LRRTM4: variants seen among roughly 807,000 people sequenced by gnomAD.
LRRTM4 encodes leucine rich repeat transmembrane neuronal 4, also known as leucine-rich repeat transmembrane neuronal protein 4.
Under a neutral mutation model 47.6 loss-of-function variants are expected in LRRTM4, and 25 were observed. The ratio of observed to expected loss-of-function variants is 0.53; its 90% CI spans 0.38 to 0.73. The LOEUF (loss-of-function observed/expected upper bound fraction) is 0.73. Among genes scored for constraint, LRRTM4 ranks in the 30% least tolerant of loss-of-function variants. The probability of loss-of-function intolerance (pLI) is 0.00; values close to 1 mark genes in which losing one functional copy is unlikely to be tolerated. For missense variants in LRRTM4, 638 were observed against 713.4 expected, an observed-to-expected ratio of 0.89 and a Z score of 1.20; for synonymous variants, 311 against 269.5, an observed-to-expected ratio of 1.15 and a Z score of -1.51.
At chr2:77,431,043 C>A (rs1213953344) in intron 3 of LRRTM4, among the ~76,000 whole-genome samples, 2 of 148,922 alleles carry the variant, frequency 1.3e-5, no homozygotes, top group African/African-American at 2.6e-5. Context: ...GAGCAGCCCT[C>A]CAGCATCTCA....
intron 3 of LRRTM4, among the ~76,000 whole-genome samples, chr2:77,250,081 C>T (rs1675562161): frequency 6.6e-6 from 1 of 152,008 alleles, no homozygotes; most frequent in African/African-American, 2.4e-5. Context: ...AGGCTACATA[C>T]TGTATGATTC....
At chr2:77,314,004 C>T (rs948922240) in intron 3 of LRRTM4, among the ~76,000 whole-genome samples, 2 of 152,142 alleles carry the variant, frequency 1.3e-5, no homozygotes, top group Non-Finnish European at 2.9e-5. Flanking sequence ...CCAAAGATCC[C>T]TTGCTATCAC....
At chr2:77,222,676 A>C (rs1361015024) in intron 3 of LRRTM4, among the ~76,000 whole-genome samples, 1 of 152,210 alleles carries the variant, frequency 6.6e-6, no homozygotes, top group African/African-American at 2.4e-5. Context: ...GAATCTTTGA[A>C]TAGACCAATA....
At chr2:77,253,117 C>A (rs1301676581) in intron 3 of LRRTM4, among the ~76,000 whole-genome samples, 1 of 152,094 alleles carries the variant, frequency 6.6e-6, no homozygotes, top group Non-Finnish European at 1.5e-5. Context: ...CTGTCTCTTG[C>A]ATTATTTACT....
At chr2:77,397,023 A>G (rs899242499) in intron 3 of LRRTM4, among the ~76,000 whole-genome samples, 23 of 151,884 alleles carry the variant, frequency 1.5e-4, no homozygotes, top group Non-Finnish European at 3.4e-4. Flanking sequence ...TCACTTTTTC[A>G]TTCAACAGAT....
chr2:77,428,383 T>C (rs1447920959), intron 3 of LRRTM4, among the ~76,000 whole-genome samples: 3 of 152,186 alleles, frequency 2.0e-5, no homozygotes, highest in South Asian at 2.1e-4. Context: ...AGGATACATA[T>C]GGCAATTACA....
rs1351952421 is a variant in LRRTM4 at position 77,425,558 on chromosome 2, CT to C, written c.1551+92759del. 8.5e-5 allele frequency among the ~76,000 whole-genome samples: 13 copies of C among 152,286 alleles called. No homozygotes were observed. The East Asian group carries it at 1.2e-3, about 14-fold the overall frequency. ...TGATTGGAATTCCTCAAGGCTCCCT[CT>C]AAAGATTGTTTTCTTTTCATTCTAT... On this transcript the variant is annotated intron_variant, in intron 3 of 3. Coordinates refer to ENST00000409884, the MANE Select transcript of LRRTM4 (RefSeq NM_001134745.3).
At chr2:76,988,011 T>C (rs917988681) in intron 3 of LRRTM4, among the ~76,000 whole-genome samples, 1 of 151,968 alleles carries the variant, frequency 6.6e-6, no homozygotes, top group Admixed American at 6.6e-5. Context: ...ACTAGTATTA[T>C]GTGTGATAAA....
chr2:76,793,747 A>G (rs754662438), intron 3 of LRRTM4, among the ~76,000 whole-genome samples: 2 of 152,166 alleles, frequency 1.3e-5, no homozygotes, highest in African/African-American at 2.4e-5. Context: ...TTTGCCCACC[A>G]GTATGAACTT....
chr2:76,786,272 A>C (rs1406247321), intron 3 of LRRTM4, among the ~76,000 whole-genome samples: 1 of 152,176 alleles, frequency 6.6e-6, no homozygotes, highest in Non-Finnish European at 1.5e-5. Context: ...CAATTGATCA[A>C]TTTAAGTTTG....
intron 3 of LRRTM4, among the ~76,000 whole-genome samples, chr2:76,791,786 T>C (rs1573110122): frequency 6.6e-6 from 1 of 152,242 alleles, no homozygotes; most frequent in Admixed American, 6.5e-5. Flanking sequence ...TTCAGAGGTA[T>C]ACTTACTTAT....
At chr2:76,905,492 T>G (rs990196246) in intron 3 of LRRTM4, among the ~76,000 whole-genome samples, 1 of 152,132 alleles carries the variant, frequency 6.6e-6, no homozygotes, top group Non-Finnish European at 1.5e-5. Flanking sequence ...GGAAAAAAGC[T>G]GGACGGAGAA....
At chr2:76,786,216 G>T (rs1347270373) in intron 3 of LRRTM4, among the ~76,000 whole-genome samples, 1 of 151,936 alleles carries the variant, frequency 6.6e-6, no homozygotes, top group Non-Finnish European at 1.5e-5. Context: ...CTTCCCAAAT[G>T]AACCATGAAC....
In LRRTM4 at chr2:77,380,044, A is replaced by T. The variant is rs1414964097; in HGVS notation, c.1551+138274T>A. 2.6e-5 allele frequency among the ~76,000 whole-genome samples: 4 copies of T among 152,158 alleles called. 1 individual carries two copies. The highest frequency in any genetic ancestry group is 9.6e-5 in the African/African-American group (4 of 41,452). ...TAAGCCAGAAAGCTATGAAGGTATA[A>T]TTCTTAGAAATAAAAGCAAATAGTA... On this transcript the variant is annotated intron_variant, in intron 3 of 3. Transcript: ENST00000409884.
At chr2:77,193,920 G>A (rs1673745254) in intron 3 of LRRTM4, among the ~76,000 whole-genome samples, 1 of 152,144 alleles carries the variant, frequency 6.6e-6, no homozygotes, top group Admixed American at 6.6e-5. Context: ...ATGTCAGAAA[G>A]CTTATGCTTT....
chr2:76,916,814 C>A (rs1003683683), intron 3 of LRRTM4, among the ~76,000 whole-genome samples: 1 of 152,164 alleles, frequency 6.6e-6, no homozygotes, highest in Admixed American at 6.5e-5. Flanking sequence ...CACTTGGAAC[C>A]CCAGCTTGCT....
intron 3 of LRRTM4, among the ~76,000 whole-genome samples, chr2:77,428,469 A>T (rs12105774): frequency 7.9e-5 from 12 of 152,310 alleles, no homozygotes; most frequent in East Asian, 1.9e-4. Context: ...CAAAACTTTC[A>T]TCAGGAGACT....
intron 3 of LRRTM4, among the ~76,000 whole-genome samples, chr2:77,180,237 T>C (rs1322245675): frequency 1.3e-5 from 2 of 152,110 alleles, no homozygotes; most frequent in Non-Finnish European, 2.9e-5. Context: ...ATATTCTGAG[T>C]CCCTGAGTCC....
intron 3 of LRRTM4, among the ~76,000 whole-genome samples, chr2:77,021,489 C>G (rs1678268956): frequency 6.6e-6 from 1 of 152,094 alleles, no homozygotes; most frequent in Non-Finnish European, 1.5e-5. Context: ...CAAAGGGACA[C>G]CAATACACAT....
Sources: gnomAD v4.1 joint callset for allele counts (sites outside exome capture counted in the v4.1 genomes callset) on GRCh38, gnomAD v4.1.1 for gene constraint, MANE v1.5 for transcripts, NCBI Gene and HGNC (gene_info 2026-07-23, HGNC 2026-07-21) for gene names.